Variants in HMGB1 observed in about 807,000 individuals in gnomAD.
The protein encoded by HMGB1 is high mobility group protein B1.
For missense variants in HMGB1, 79 were observed against 253.5 expected, an observed-to-expected ratio of 0.31 and a Z score of 4.67; for synonymous variants, 81 against 84.0, an observed-to-expected ratio of 0.96 and a Z score of 0.19.
chr13:30,495,708 G>A (rs186528025), intron 1 of HMGB1, among the ~76,000 whole-genome samples: 3 of 152,266 alleles, frequency 2.0e-5, no homozygotes, highest in East Asian at 3.9e-4. Context: ...TCGATCTCCT[G>A]ACCCTGTGAT....
chr13:30,468,761 A>T (rs1206533277), upstream of HMGB1, among the ~76,000 whole-genome samples: 2 of 152,258 alleles, frequency 1.3e-5, no homozygotes, highest in Non-Finnish European at 2.9e-5. Context: ...ATTTTAAAAT[A>T]AAACCAACAT....
In HMGB1 at chr13:30,465,815, CGCCCAGT is replaced by C; in HGVS notation, c.-41_-35del. ...ACTCACCCTCAGCGAGGCACAGAGT[CGCCCAGT>C]GCCCGTCCGGCTCTCACTTGCCCCG... On this transcript the variant is annotated 5_prime_UTR_variant, in exon 1 of 5. The change abolishes the stop of an existing upstream ORF in the 5' untranslated region. Coordinates refer to ENST00000341423, the MANE Select transcript of HMGB1 (RefSeq NM_002128.7). The C allele has an allele frequency of 1.0e-6, 1 of 985,602 alleles. No individual in the cohort carries two copies. The highest frequency in any genetic ancestry group is 1.2e-6 in the Non-Finnish European group (1 of 829,724). 61.1% of individuals were successfully genotyped at this position (985,602 alleles called of 1,614,324 possible).
At chr13:30,604,538 C>T (rs1423019466) in intron 1 of HMGB1, among the ~76,000 whole-genome samples, 2 of 152,184 alleles carry the variant, frequency 1.3e-5, no homozygotes, top group Non-Finnish European at 2.9e-5. Context: ...CCCAACATTG[C>T]TGGCCCAAAA....
intron 1 of HMGB1, among the ~76,000 whole-genome samples, chr13:30,514,451 G>A (rs564843320): frequency 6.7e-6 from 1 of 148,358 alleles, no homozygotes; most frequent in African/African-American, 2.5e-5. Flanking sequence ...AGCCTCCCAT[G>A]TAGTTAGGAC....
rs190317256 is a variant in HMGB1 at position 30,459,825 on chromosome 13, T to G, written c.*1532A>C. The G allele has an allele frequency of 6.6e-6, 1 of 152,402 alleles. No homozygotes were observed. Among genetic ancestry groups the G allele is most frequent in the South Asian group, 2.1e-4 (1 of 4,832 alleles). 9.4% of individuals were successfully genotyped at this position (152,402 alleles called of 1,614,324 possible). On this transcript the variant is annotated 3_prime_UTR_variant, in exon 5 of 5. Transcript: ENST00000341423. The stretch of plus-strand genomic sequence containing the variant: ...AAATATGTAACAAAATCTTAAGTTC[T>G]TAAGTGAAAGCCATTTAACTAGTAT...
At chr13:30,526,949 A>G (rs1888381270) in intron 1 of HMGB1, among the ~76,000 whole-genome samples, 1 of 152,244 alleles carries the variant, frequency 6.6e-6, no homozygotes, top group Admixed American at 6.5e-5. Context: ...GCTCATTCCT[A>G]ACCGCAGTGT....
chr13:30,474,959 G>GTTTGTTT lies in HMGB1; in HGVS notation c.-14-11266_-14-11265insAAACAAA, dbSNP rs1224684054. On this transcript the variant is annotated intron_variant, in intron 1 of 4. Transcript: ENST00000405805. ...TCTTTTTTTTTTCTTTTCTTTTTTT[G>GTTTGTTT]TTTTTTTTTTTTTTTTTTTTTTGAG... Among the ~76,000 whole-genome samples, 41 of 64,044 alleles carry GTTTGTTT rather than the reference G, an allele frequency of 6.4e-4. 14 individuals are homozygous for GTTTGTTT. The highest frequency in any genetic ancestry group is 1.3e-3 in the South Asian group (2 of 1,500). 42.0% of individuals were successfully genotyped at this position (64,044 alleles called of 152,430 possible).
chr13:30,463,079 T>A, intron 3 of HMGB1, 128 bp downstream of exon 3: 1 of 934,148 alleles, frequency 1.1e-6, no homozygotes, highest in Non-Finnish European at 1.7e-6. Flanking sequence ...ATAACCAATA[T>A]GAACAAGTAT....
chr13:30,543,890 A>C (rs1458424626), intron 1 of HMGB1, among the ~76,000 whole-genome samples: 1 of 152,240 alleles, frequency 6.6e-6, no homozygotes, highest in Non-Finnish European at 1.5e-5. Flanking sequence ...TCTGGAATCA[A>C]AATAATTCAG....
At chr13:30,538,928 G>C (rs1156423822) in intron 1 of HMGB1, among the ~76,000 whole-genome samples, 1 of 151,442 alleles carries the variant, frequency 6.6e-6, no homozygotes, top group Non-Finnish European at 1.5e-5. Context: ...ATGGAGTCTC[G>C]CTCTGTCACC....
At chr13:30,535,751 G>A (rs538451124) in intron 1 of HMGB1, among the ~76,000 whole-genome samples, 2 of 152,168 alleles carry the variant, frequency 1.3e-5, no homozygotes, top group Non-Finnish European at 2.9e-5. Context: ...TTAGCCAGGC[G>A]TGGTGCCACA....
chr13:30,468,241 A>AT (rs376377947), upstream of HMGB1, among the ~76,000 whole-genome samples: 21 of 152,058 alleles, frequency 1.4e-4, no homozygotes, highest in African/African-American at 5.1e-4. Flanking sequence ...AATCTAGTGA[A>AT]TTTTTTGTTG....
At chr13:30,531,598 G>A (rs913191028) in intron 1 of HMGB1, among the ~76,000 whole-genome samples, 4 of 149,158 alleles carry the variant, frequency 2.7e-5, no homozygotes, top group South Asian at 4.3e-4. Context: ...AGTCACACAT[G>A]CTCATTGTAA....
intron 1 of HMGB1, among the ~76,000 whole-genome samples, chr13:30,512,199 C>T (rs1888007994): frequency 6.6e-6 from 1 of 151,978 alleles, no homozygotes; most frequent in Non-Finnish European, 1.5e-5. Context: ...GATGCCTGCT[C>T]TGTAAATGAG....
intron 1 of HMGB1, among the ~76,000 whole-genome samples, chr13:30,560,270 G>C (rs1416769605): frequency 6.6e-6 from 1 of 152,196 alleles, no homozygotes; most frequent in Non-Finnish European, 1.5e-5. Context: ...AAAGTTCCAT[G>C]GTGGGGTGGT....
chr13:30,576,693 G>GC (rs1192966794), intron 1 of HMGB1, among the ~76,000 whole-genome samples: 1 of 151,634 alleles, frequency 6.6e-6, no homozygotes, highest in East Asian at 1.9e-4. Context: ...CATCAGCATC[G>GC]CAACTATCTC....
intron 1 of HMGB1, among the ~76,000 whole-genome samples, chr13:30,516,558 C>T (rs1038901752): frequency 6.6e-6 from 1 of 151,974 alleles, no homozygotes; most frequent in Admixed American, 6.6e-5. Context: ...TAATTTAATG[C>T]AGAAAACACT....
intron 1 of HMGB1, among the ~76,000 whole-genome samples, chr13:30,494,906 A>G (rs916856389): frequency 1.6e-4 from 24 of 152,198 alleles, no homozygotes; most frequent in Non-Finnish European, 4.4e-5. Context: ...TCCACCGCAT[A>G]TAAGAGAAAT....
At chr13:30,592,636 G>C (rs1871416592) in intron 1 of HMGB1, among the ~76,000 whole-genome samples, 1 of 151,884 alleles carries the variant, frequency 6.6e-6, no homozygotes, top group Admixed American at 6.6e-5. Context: ...GAATATGTTA[G>C]TCTTCAGATA....
Sources: gnomAD v4.1 joint callset for allele counts (sites outside exome capture counted in the v4.1 genomes callset) on GRCh38, gnomAD v4.1.1 for gene constraint, MANE v1.5 for transcripts, NCBI Gene and HGNC (gene_info 2026-07-23, HGNC 2026-07-21) for gene names.